Variants in SORCS1 observed in about 807,000 individuals in gnomAD.
SORCS1 encodes VPS10 domain-containing receptor SorCS1.
SORCS1 carries 60 observed loss-of-function variants against 146.1 expected under a neutral mutation model. That is an observed-to-expected ratio of 0.41 (90% CI 0.33 to 0.51). The LOEUF (loss-of-function observed/expected upper bound fraction) is 0.51, where lower values mean the gene tolerates loss of function less well. Among genes scored for constraint, SORCS1 ranks in the 20% least tolerant of loss-of-function variants. The pLI is 0.21. For synonymous variants in SORCS1, 637 were observed against 584.0 expected (o/e 1.09, Z -1.31); for missense variants, 1,352 against 1,487.6 (o/e 0.91, Z 1.50).
chr10:106,715,346 C>G (rs1281730514), intron 6 of SORCS1, among the ~76,000 whole-genome samples: 2 of 152,216 alleles, frequency 1.3e-5, no homozygotes, highest in African/African-American at 2.4e-5. Context: ...CTGTTCTTTT[C>G]AAGCATCTTC....
At chr10:106,673,030 TA>T in intron 14 of SORCS1, 45 bp from the exon 15 acceptor site, 1 of 1,465,388 alleles carries the variant, frequency 6.8e-7, no homozygotes, top group Non-Finnish European at 9.5e-7. Context: ...GATAACAATG[TA>T]ATGAGTAATA....
chr10:106,749,268 T>C (rs994047526), intron 5 of SORCS1, among the ~76,000 whole-genome samples: 1 of 152,218 alleles, frequency 6.6e-6, no homozygotes, highest in Admixed American at 6.5e-5. Context: ...CAGATGCAGA[T>C]GTCCCGACAG....
At chr10:107,121,605 A>G (rs1966416234) in intron 1 of SORCS1, among the ~76,000 whole-genome samples, 1 of 152,176 alleles carries the variant, frequency 6.6e-6, no homozygotes, top group African/African-American at 2.4e-5. Context: ...ATTATCAAAC[A>G]TGATTCTACA....
chr10:106,881,076 CAAAAAAAAAAAA>C (rs59128024), intron 2 of SORCS1, among the ~76,000 whole-genome samples: 2 of 69,168 alleles, frequency 2.9e-5, no homozygotes, highest in Non-Finnish European at 2.7e-5. Context: ...GACTCTGTCT[CAAAAAAAAAAAA>C]AAAAAAAAAA....
Position 106,719,853 on chromosome 10 carries a change from C to T in SORCS1, c.1024+10197G>A, listed in dbSNP as rs141142895. On this transcript the variant is annotated intron_variant, in intron 6 of 25. Transcript: ENST00000263054. ...AAAGACAGATGACACGTTTGCCCGC[C>T]CCTCTCTCTATTCCAGCCACCTGGC... is the stretch of plus-strand genomic sequence containing the variant. Among the ~76,000 whole-genome samples the T allele has an allele frequency of 4.1e-3, 625 of 152,268 alleles. 5 individuals are homozygous for T. Among genetic ancestry groups the T allele is most frequent in the African/African-American group, 0.014 (594 of 41,552 alleles).
chr10:106,666,739 T>C (rs1851187362), intron 17 of SORCS1, among the ~76,000 whole-genome samples: 1 of 150,014 alleles, frequency 6.7e-6, no homozygotes, highest in Non-Finnish European at 1.5e-5. Flanking sequence ...TTTTTTTTTG[T>C]ATTTTTAGTA....
At chr10:106,799,332 T>G (rs1323985325) in intron 3 of SORCS1, among the ~76,000 whole-genome samples, 1 of 152,212 alleles carries the variant, frequency 6.6e-6, no homozygotes, top group Admixed American at 6.5e-5. Flanking sequence ...AAGCACTTCA[T>G]GTCTAAAACA....
rs118174601 is a variant in SORCS1 at position 106,941,309 on chromosome 10, T to C, written c.626+15204A>G. On this transcript the variant is annotated intron_variant, in intron 2 of 25. Coordinates refer to ENST00000263054, the MANE Select transcript of SORCS1 (RefSeq NM_052918.5). ...GTTGGTGTTGTATTATTAATGTATGTTTAGTAGGTGATCCACACTCAACAT... is the reference window on the plus strand; with the variant it reads ...GTTGGTGTTGTATTATTAATGTATGCTTAGTAGGTGATCCACACTCAACAT... 5.1e-3 allele frequency among the ~76,000 whole-genome samples: 777 copies of C among 152,174 alleles called. 7 individuals are homozygous for C. Among genetic ancestry groups the C allele is most frequent in the Non-Finnish European group, 8.0e-3 (543 of 68,008 alleles).
intron 3 of SORCS1, among the ~76,000 whole-genome samples, chr10:106,800,961 C>A (rs1226923299): frequency 1.3e-5 from 2 of 152,190 alleles, no homozygotes; most frequent in African/African-American, 2.4e-5. Context: ...CAGATCAATT[C>A]TACTTTGTCG....
At chr10:106,817,967 G>T (rs1454976133) in intron 3 of SORCS1, among the ~76,000 whole-genome samples, 1 of 152,164 alleles carries the variant, frequency 6.6e-6, no homozygotes, top group East Asian at 1.9e-4. Flanking sequence ...AGCCTTTGTT[G>T]TCTGTACAAT....
In SORCS1 at chr10:107,110,194, A is replaced by T. The variant is rs753954543; in HGVS notation, c.558+53775T>A. ...ATTCTAAGCCCTCCAGATTTTTTCA[A>T]CCTCTGCTAGTTACCCAGTTTCAAA... On this transcript the variant is annotated intron_variant, in intron 1 of 25. Coordinates refer to ENST00000263054, the MANE Select transcript of SORCS1 (RefSeq NM_052918.5). 1.3e-5 allele frequency among the ~76,000 whole-genome samples: 2 copies of T among 151,898 alleles called. 1 individual carries two copies. The highest frequency in any genetic ancestry group is 2.9e-5 in the Non-Finnish European group (2 of 67,980).
At chr10:106,991,618 AT>A (rs1956774981) in intron 1 of SORCS1, among the ~76,000 whole-genome samples, 1 of 152,218 alleles carries the variant, frequency 6.6e-6, no homozygotes, top group Non-Finnish European at 1.5e-5. Flanking sequence ...TAAATCCATG[AT>A]TTTTGGCTTT....
At chr10:107,167,752 A>G (rs1590290409), upstream of SORCS1, among the ~76,000 whole-genome samples, 2 of 149,368 alleles carry the variant, frequency 1.3e-5, no homozygotes, top group East Asian at 3.9e-4. Context: ...TAATATACCT[A>G]TGTTATATAC....
At chr10:107,071,470 A>G (rs527457100) in intron 1 of SORCS1, among the ~76,000 whole-genome samples, 1 of 152,302 alleles carries the variant, frequency 6.6e-6, no homozygotes, top group African/African-American at 2.4e-5. Flanking sequence ...CTTCGAGGAC[A>G]CCTGCCTGCA....
chr10:106,673,682 T>C (rs1293900288), intron 14 of SORCS1, among the ~76,000 whole-genome samples: 1 of 152,186 alleles, frequency 6.6e-6, no homozygotes, highest in Non-Finnish European at 1.5e-5. Context: ...CTAATGTACA[T>C]AGTTCCCATG....
At chr10:107,113,022 A>G (rs923718581) in intron 1 of SORCS1, among the ~76,000 whole-genome samples, 3 of 152,196 alleles carry the variant, frequency 2.0e-5, no homozygotes, top group African/African-American at 7.2e-5. Flanking sequence ...CCAGACTTAC[A>G]GCAAACATTC....
At chr10:106,800,848 G>C (rs1946833058) in intron 3 of SORCS1, among the ~76,000 whole-genome samples, 1 of 152,038 alleles carries the variant, frequency 6.6e-6, no homozygotes, top group African/African-American at 2.4e-5. Flanking sequence ...GCCAGTTCCA[G>C]GTGAATCTTA....
intron 3 of SORCS1, among the ~76,000 whole-genome samples, chr10:106,814,788 G>A (rs997142980): frequency 2.6e-5 from 4 of 151,506 alleles, no homozygotes; most frequent in Admixed American, 2.0e-4. Flanking sequence ...GGTGGTGGGC[G>A]CCTGTAGTCC....
intron 25 of SORCS1, chr10:106,578,012 C>T (rs1319325985): frequency 6.5e-6 from 1 of 154,012 alleles, no homozygotes; most frequent in African/African-American, 2.4e-5. Flanking sequence ...TTTCCGTTTA[C>T]ATACTCATTG....
Sources: gnomAD v4.1 joint callset for allele counts (sites outside exome capture counted in the v4.1 genomes callset) on GRCh38, gnomAD v4.1.1 for gene constraint, MANE v1.5 for transcripts, NCBI Gene and HGNC (gene_info 2026-07-23, HGNC 2026-07-21) for gene names.